TUT4: variants seen among roughly 807,000 people sequenced by gnomAD.
The protein encoded by TUT4 is terminal uridylyl transferase 4, also known as terminal uridylyltransferase 4.
A neutral mutation model predicts 192.2 loss-of-function variants in TUT4; 36 were observed. The ratio of observed to expected loss-of-function variants is 0.19; its 90% CI spans 0.14 to 0.25. TUT4 has a LOEUF of 0.25. Among genes scored for constraint, TUT4 ranks in the 10% least tolerant of loss-of-function variants. The pLI is 1.00. For synonymous variants in TUT4, 618 were observed against 666.0 expected, an observed-to-expected ratio of 0.93 and a Z score of 1.11; for missense variants, 1,493 against 1,957.2, an observed-to-expected ratio of 0.76 and a Z score of 4.47.
intron 1 of TUT4, among the ~76,000 whole-genome samples, chr1:52,538,859 C>A (rs1327013307): frequency 1.3e-5 from 2 of 152,050 alleles, no homozygotes; most frequent in Non-Finnish European, 2.9e-5. Context: ...TTACTTACCA[C>A]CAAGTTAAAG....
At chr1:52,426,348 GCTAA>G (rs1649929248) in intron 28 of TUT4, among the ~76,000 whole-genome samples, 2 of 152,106 alleles carry the variant, frequency 1.3e-5, no homozygotes, top group Admixed American at 1.3e-4. Flanking sequence ...TCTTTTTATG[GCTAA>G]CTATCCCCCC....
At chr1:52,495,563 A>G in intron 5 of TUT4, 48 bp from the exon 6 acceptor site, 1 of 1,430,396 alleles carries the variant, frequency 7.0e-7, no homozygotes, top group East Asian at 2.3e-5. Flanking sequence ...TGCAAATATG[A>G]GAGATGTAAA....
At chr1:52,450,940 C>A (rs1172167534) in intron 20 of TUT4, among the ~76,000 whole-genome samples, 1 of 151,890 alleles carries the variant, frequency 6.6e-6, no homozygotes, top group Non-Finnish European at 1.5e-5. Flanking sequence ...TACATATGAT[C>A]CCTATTTAAA....
chr1:52,491,638 G>A (rs545899524), intron 7 of TUT4, among the ~76,000 whole-genome samples: 48 of 152,268 alleles, frequency 3.2e-4, no homozygotes, highest in African/African-American at 1.2e-3. Flanking sequence ...AGTGAGCCGA[G>A]ATCGTGCCAC....
At chr1:52,484,753 C>A (rs1439694229) in intron 9 of TUT4, among the ~76,000 whole-genome samples, 1 of 152,148 alleles carries the variant, frequency 6.6e-6, no homozygotes, top group Non-Finnish European at 1.5e-5. Flanking sequence ...ATAGCATACT[C>A]TTGATTAAAG....
intron 1 of TUT4, among the ~76,000 whole-genome samples, chr1:52,528,142 G>A (rs1331466040): frequency 4.6e-5 from 7 of 150,930 alleles, no homozygotes; most frequent in African/African-American, 1.2e-4. Flanking sequence ...TCGCGCCACA[G>A]CACTCCAGCC....
chr1:52,531,047 T>C (rs1354098152), intron 1 of TUT4, among the ~76,000 whole-genome samples: 1 of 152,012 alleles, frequency 6.6e-6, no homozygotes, highest in African/African-American at 2.4e-5. Flanking sequence ...CCCTGCACAC[T>C]TTACTTGGTT....
At chr1:52,511,838 A>C (rs992614886) in intron 3 of TUT4, among the ~76,000 whole-genome samples, 3 of 152,332 alleles carry the variant, frequency 2.0e-5, no homozygotes, top group African/African-American at 4.8e-5. Flanking sequence ...ACAAGATCTA[A>C]TTTATATTTT....
chr1:52,511,387 A>G (rs1385518843), intron 3 of TUT4, among the ~76,000 whole-genome samples: 2 of 152,232 alleles, frequency 1.3e-5, no homozygotes, highest in Non-Finnish European at 2.9e-5. Context: ...AAATATATTG[A>G]GCTCATATTA....
chr1:52,460,910 A>G (rs1662371008), intron 19 of TUT4: 1 of 311,648 alleles, frequency 3.2e-6, no homozygotes, highest in Non-Finnish European at 5.8e-6. Flanking sequence ...TACTGCTGAG[A>G]AACTGACTAG....
chr1:52,505,096 G>A (rs1337634724), intron 4 of TUT4, among the ~76,000 whole-genome samples: 1 of 152,174 alleles, frequency 6.6e-6, no homozygotes, highest in Non-Finnish European at 1.5e-5. Flanking sequence ...TGTATACCCA[G>A]AAGTGAAATT....
chr1:52,444,361 C>G (rs922918630), intron 24 of TUT4, among the ~76,000 whole-genome samples: 1 of 152,066 alleles, frequency 6.6e-6, no homozygotes, highest in African/African-American at 2.4e-5. Context: ...CCATAAGAGG[C>G]TAGAAAATAA....
chr1:52,460,004 A>G (rs1324045083), intron 19 of TUT4, among the ~76,000 whole-genome samples: 1 of 152,210 alleles, frequency 6.6e-6, no homozygotes. Context: ...GATTTAGCTT[A>G]TATCTATATT....
intron 11 of TUT4, among the ~76,000 whole-genome samples, chr1:52,480,010 A>G (rs914117815): frequency 1.2e-4 from 18 of 151,566 alleles, no homozygotes; most frequent in Non-Finnish European, 2.7e-4. Flanking sequence ...AAAAAAAAAA[A>G]AAAAAAAAAG....
intron 24 of TUT4, among the ~76,000 whole-genome samples, chr1:52,444,109 G>A (rs1027904847): frequency 2.0e-4 from 31 of 151,978 alleles, no homozygotes; most frequent in African/African-American, 5.3e-4. Context: ...GGTGTCGGGC[G>A]CCTGTGGTCC....
At chr1:52,497,580 T>A (rs185361798) in intron 4 of TUT4, among the ~76,000 whole-genome samples, 1 of 152,376 alleles carries the variant, frequency 6.6e-6, no homozygotes, top group Admixed American at 6.5e-5. Flanking sequence ...TCAAGTTAAA[T>A]GGTCACAGGA....
chr1:52,531,594 G>C (rs1476454580), intron 1 of TUT4, among the ~76,000 whole-genome samples: 1 of 152,062 alleles, frequency 6.6e-6, no homozygotes, highest in East Asian at 1.9e-4. Flanking sequence ...GGGTTAAATG[G>C]ATTTTTTTAA....
chr1:52,526,245 A>G lies in TUT4; in HGVS notation c.36T>C (p.His12=), dbSNP rs758108554. 26 of 1,581,242 alleles carry G rather than the reference A, an allele frequency of 1.6e-5. No individual in the cohort carries two copies. The highest frequency in any genetic ancestry group is 2.2e-5 in the Non-Finnish European group (26 of 1,171,456). Residue 12 remains histidine, a synonymous_variant, in exon 2 of 30, where the codon CAT becomes CAC. Coordinates refer to ENST00000257177, the MANE Select transcript of TUT4 (RefSeq NM_001009881.3). The part of the protein sequence containing the change: ...EESKTLKSEN[H]EPKKNVICEE... ...CACAAATAACATTCTTCTTTGGTTC[A>G]TGATTTTCACTTTTTAAGGTTTTAG...
intron 2 of TUT4, among the ~76,000 whole-genome samples, chr1:52,518,901 T>G (rs1210950433): frequency 6.6e-6 from 1 of 152,214 alleles, no homozygotes; most frequent in East Asian, 1.9e-4. Flanking sequence ...ACACTGTGAA[T>G]GTACTTAGTG....
Sources: allele counts gnomAD v4.1 joint callset (sites outside exome capture counted in the v4.1 genomes callset), GRCh38; gene constraint gnomAD v4.1.1; transcripts MANE v1.5; gene names NCBI Gene and HGNC (gene_info 2026-07-23, HGNC 2026-07-21).